Variants in RAB11FIP5 observed in about 807,000 individuals in gnomAD.
The protein encoded by RAB11FIP5 is RAB11 family interacting protein 5, also known as rab11 family-interacting protein 5.
In RAB11FIP5, 48 loss-of-function variants were observed where a neutral mutation model predicts 85.1. The observed-to-expected ratio is 0.56, with a 90% CI of 0.45 to 0.72. The LOEUF (loss-of-function observed/expected upper bound fraction) is 0.72. Ranked by LOEUF, RAB11FIP5 falls within the 30% of genes least tolerant of loss-of-function variation. The pLI is 0.00. For synonymous variants in RAB11FIP5, 729 were observed against 727.3 expected, an observed-to-expected ratio of 1.00 and a Z score of -0.04; for missense variants, 1,491 against 1,687.0, an observed-to-expected ratio of 0.88 and a Z score of 2.04.
rs755164489 is a variant in RAB11FIP5 at position 73,089,111 on chromosome 2, G to A, written c.636C>T (p.Leu212=). 3 of 1,614,094 alleles carry A rather than the reference G, an allele frequency of 1.9e-6. No homozygotes were observed. In the African/African-American group the frequency reaches 4.0e-5, roughly 22 times the overall value. Residue 212 remains leucine (L), a synonymous_variant, in exon 2 of 6, where the codon CTC becomes CTT. Coordinates refer to ENST00000486777, the MANE Select transcript of RAB11FIP5 (RefSeq NM_001371272.1). This position sits in a 1 kb window ranked among gnomAD's most constrained non-coding sequence, Gnocchi z 4.6. The stretch of plus-strand genomic sequence containing the variant: ...CAGGATCCTCTATGGCGCTGCTTGG[G>A]AGGATGGCAGAGGCAGATTCCAGAT... ...KYDLESASAI[L]PSSAIEDPDL...
chr2:73,088,351 C>G lies in RAB11FIP5; in HGVS notation c.1267G>C (p.Glu423Gln). ...CCCTCTGGTAGCCGGGCCCCCTCCT[C>G]CTCTCCAGGGTGGCTGGCCCCAGGG... ...LAPGASHPGE[E>Q]EGARLPEGKP... The change falls in exon 3 of 6, where the codon GAG (glutamate) becomes CAG (glutamine). Residue 423 changes from glutamate (E) to glutamine (Q), a missense_variant. Glu to Gln is a conservative substitution (Grantham distance 29). This residue lies in a region of RAB11FIP5 where 1,211 missense variants were observed against 1,338.0 expected (regional missense o/e 0.91). Coordinates refer to ENST00000486777, the MANE Select transcript of RAB11FIP5 (RefSeq NM_001371272.1). 1 of 1,613,674 alleles carries G rather than the reference C, an allele frequency of 6.2e-7. No homozygotes were observed. The highest frequency in any genetic ancestry group is 8.5e-7 in the Non-Finnish European group (1 of 1,179,992).
In RAB11FIP5 at chr2:73,112,465, C is replaced by T. The variant is rs1436656425; in HGVS notation, c.313G>A (p.Ala105Thr). Residue 105 changes from alanine to threonine, a missense_variant, in exon 1 of 6, where the codon GCC (alanine) becomes ACC (threonine). By Grantham distance (58) the Ala-to-Thr change is moderately conservative. Transcript: ENST00000486777. ...ATGGTGGTGAGCACCAGCTCGCAGG[C>T]GGCGGCGGAGCTCGCGGCCCAGGGC... ...PAPWAASSAA[A>T]CELVLTTMHR... 6.7e-7 allele frequency: 1 copy of T among 1,487,136 alleles called. No individual in the cohort carries two copies. The highest frequency in any genetic ancestry group is 8.9e-7 in the Non-Finnish European group (1 of 1,128,510). The allele number at this position is 1,487,136 out of a possible 1,614,324, so 92.1% of individuals were successfully genotyped here.
chr2:73,087,999 A>G (rs1684121859), intron 3 of RAB11FIP5, 51 bp downstream of exon 3: 1 of 1,508,068 alleles, frequency 6.6e-7, no homozygotes, highest in African/African-American at 1.4e-5. Context: ...CAGGCAGCAC[A>G]CACCCCAGCA....
intron 3 of RAB11FIP5, among the ~76,000 whole-genome samples, chr2:73,083,557 C>T (rs957306830): frequency 2.6e-5 from 4 of 152,158 alleles, no homozygotes; most frequent in Non-Finnish European, 4.4e-5. Context: ...CTGTTCCCAC[C>T]CCACCTGGGC....
At chr2:73,076,804 T>C (rs182918767) in intron 4 of RAB11FIP5, among the ~76,000 whole-genome samples, 111 of 152,310 alleles carry the variant, frequency 7.3e-4, no homozygotes, top group African/African-American at 2.6e-3. Flanking sequence ...CGCAGCAGCA[T>C]GGAGACTACA....
Position 73,075,493 on chromosome 2 carries a change from A to T in RAB11FIP5, c.*28T>A. On this transcript the variant is annotated 3_prime_UTR_variant, in exon 6 of 6. Coordinates refer to ENST00000486777, the MANE Select transcript of RAB11FIP5 (RefSeq NM_001371272.1). The surrounding 1 kb of genome is among the most constrained non-coding windows in gnomAD (Gnocchi z 4.6). ...GGGCAGGCAGCAATAGGTCCATGCC[A>T]ACCCTCCTGGGGGTAGGGTGAGGAA... is the stretch of plus-strand genomic sequence containing the variant. The T allele has an allele frequency of 6.2e-7, 1 of 1,602,184 alleles. No homozygotes were observed.
intron 1 of RAB11FIP5, among the ~76,000 whole-genome samples, chr2:73,106,049 C>G (rs1369376821): frequency 1.3e-5 from 2 of 152,070 alleles, no homozygotes; most frequent in African/African-American, 4.8e-5. Context: ...CAGACCCTGA[C>G]CCCACCCCCT....
intron 1 of RAB11FIP5, among the ~76,000 whole-genome samples, chr2:73,106,262 C>T (rs1684524183): frequency 6.6e-6 from 1 of 152,166 alleles, no homozygotes; most frequent in African/African-American, 2.4e-5. Flanking sequence ...AAACAGGTGC[C>T]ACATGCTCCA....
intron 1 of RAB11FIP5, among the ~76,000 whole-genome samples, chr2:73,111,091 G>A (rs1441024238): frequency 6.6e-6 from 1 of 151,960 alleles, no homozygotes; most frequent in African/African-American, 2.4e-5. Flanking sequence ...GAAGGAAGGC[G>A]GGGAGCAGGC....
chr2:73,079,716 T>C lies in RAB11FIP5; in HGVS notation c.3516A>G (p.Pro1172=). 8.1e-7 allele frequency: 1 copy of C among 1,233,068 alleles called. No individual in the cohort carries two copies. Among genetic ancestry groups the C allele is most frequent in the South Asian group, 4.1e-5 (1 of 24,334 alleles). 76.4% of individuals were successfully genotyped at this position (1,233,068 alleles called of 1,614,324 possible). A position where few individuals can be genotyped will look rare whatever the true frequency, so the allele number is the denominator to read the frequency against. ...AGGGCAGAAGCACAAGCGGGGAGGCTGGGGTGGCTGCAGCGAGGTCCTCCC... is the reference window on the plus strand; with the variant it reads ...AGGGCAGAAGCACAAGCGGGGAGGCCGGGGTGGCTGCAGCGAGGTCCTCCC... ...LLREDLAAAT[P]ASPLVLLPLE... is the part of the protein sequence containing the mutation. Residue 1172 remains proline, a synonymous_variant, in exon 4 of 6, where the codon CCA becomes CCG. Transcript: ENST00000486777.
Position 73,080,531 on chromosome 2 carries a change from G to T in RAB11FIP5, c.2701C>A (p.Pro901Thr). 8.1e-7 allele frequency: 1 copy of T among 1,232,800 alleles called. No individual in the cohort carries two copies. Among genetic ancestry groups the T allele is most frequent in the Non-Finnish European group, 1.0e-6 (1 of 988,254 alleles). 76.4% of individuals were successfully genotyped at this position (1,232,800 alleles called of 1,614,324 possible). ...SDKGLQPSTP[P>T]PKPPRLFTPS... ...GTGAAGAGGCGCGGTGGCTTGGGAGGTGGGGTGCTGGGCTGCAGCCCCTTG... is the reference window on the plus strand; with the variant it reads ...GTGAAGAGGCGCGGTGGCTTGGGAGTTGGGGTGCTGGGCTGCAGCCCCTTG... The change falls in exon 4 of 6, where the codon CCT becomes ACT. Residue 901 changes from proline (P) to threonine (T), a missense_variant. Around this residue, in one of 3 missense-constraint regions of RAB11FIP5, gnomAD observed 1,211 missense variants for 1,338.0 expected, o/e 0.91. Coordinates refer to ENST00000486777, the MANE Select transcript of RAB11FIP5 (RefSeq NM_001371272.1).
chr2:73,094,652 C>T (rs898780443), intron 1 of RAB11FIP5, among the ~76,000 whole-genome samples: 1 of 152,182 alleles, frequency 6.6e-6, no homozygotes, highest in African/African-American at 2.4e-5. Flanking sequence ...TAACGCTTTA[C>T]ATCACTTTAA....
At chr2:73,085,799 C>T (rs1384540608) in intron 3 of RAB11FIP5, among the ~76,000 whole-genome samples, 1 of 152,206 alleles carries the variant, frequency 6.6e-6, no homozygotes, top group African/African-American at 2.4e-5. Context: ...ATCAGTGCCA[C>T]ATGGGAGCAC....
chr2:73,078,143 G>T lies in RAB11FIP5; in HGVS notation c.3581+1508C>A, dbSNP rs1683898403. The stretch of plus-strand genomic sequence containing the variant: ...AATGCCACCTGCGGGCTGTGCCAGG[G>T]AAGGGGAGGATGACCAGTGTAGTAT... On this transcript the variant is annotated intron_variant, in intron 4 of 5. Transcript: ENST00000486777. The surrounding 1 kb of genome is among the most constrained non-coding windows in gnomAD (Gnocchi z 4.4). Among the ~76,000 whole-genome samples the T allele has an allele frequency of 6.6e-6, 1 of 152,256 alleles. No individual in the cohort carries two copies. Among genetic ancestry groups the T allele is most frequent in the African/African-American group, 2.4e-5 (1 of 41,458 alleles).
chr2:73,094,276 C>CCTAG (rs1342099735), intron 1 of RAB11FIP5, among the ~76,000 whole-genome samples: 3 of 152,152 alleles, frequency 2.0e-5, no homozygotes, highest in African/African-American at 7.2e-5. Flanking sequence ...CTTCACCAGG[C>CCTAG]CTAGCTGACT....
In RAB11FIP5 at chr2:73,079,812, T is replaced by G. The variant is rs1028719831; in HGVS notation, c.3420A>C (p.Pro1140=). Residue 1140 remains proline (P), a synonymous_variant, in exon 4 of 6, where the codon CCA becomes CCC. Transcript: ENST00000486777. ...EAWPLTTSSA[P]PGEPALLPGP... ...CAGGGAGTAAGGCTGGCTCCCCTGG[T>G]GGTGCAGAGGAGGTAGTCAGGGGCC... is the stretch of plus-strand genomic sequence containing the variant. 3.2e-6 allele frequency: 4 copies of G among 1,231,838 alleles called. No homozygotes were observed. The African/African-American group carries it at 6.2e-5, about 19-fold the overall frequency. 76.3% of individuals were successfully genotyped at this position (1,231,838 alleles called of 1,614,324 possible).
intron 1 of RAB11FIP5, among the ~76,000 whole-genome samples, chr2:73,100,378 G>A (rs1684403909): frequency 6.6e-6 from 1 of 151,576 alleles, no homozygotes; most frequent in African/African-American, 2.4e-5. Context: ...TATATTTAAT[G>A]TGAAAGTCAT....
At chr2:73,106,983 G>T (rs1348656334) in intron 1 of RAB11FIP5, among the ~76,000 whole-genome samples, 1 of 152,146 alleles carries the variant, frequency 6.6e-6, no homozygotes, top group Non-Finnish European at 1.5e-5. Flanking sequence ...GCTCCTGAGA[G>T]GCCGGGGCCC....
At chr2:73,108,132 G>A (rs899096279) in intron 1 of RAB11FIP5, among the ~76,000 whole-genome samples, 1 of 152,226 alleles carries the variant, frequency 6.6e-6, no homozygotes, top group Non-Finnish European at 1.5e-5. Flanking sequence ...CACAGCCTCA[G>A]CTCTCCGAGC....
Sources: gnomAD v4.1 joint callset for allele counts (sites outside exome capture counted in the v4.1 genomes callset) on GRCh38, gnomAD v4.1.1 for gene constraint, gnomAD v4.1.1 regional missense constraint, Gnocchi (gnomAD v3.1) non-coding constraint, MANE v1.5 for transcripts, NCBI Gene and HGNC (gene_info 2026-07-23, HGNC 2026-07-21) for gene names.